Variants in CRMP1 observed in about 807,000 individuals in gnomAD.
CRMP1 encodes the protein dihydropyrimidinase-related protein 1.
Under a neutral mutation model 68.3 loss-of-function variants are expected in CRMP1, and 19 were observed. That is an observed-to-expected ratio of 0.28 (90% CI 0.19 to 0.41). CRMP1 has a LOEUF of 0.41. Among genes scored for constraint, CRMP1 ranks in the 10% least tolerant of loss-of-function variants. The pLI is 1.00. For missense variants in CRMP1, 791 were observed against 967.4 expected (o/e 0.82, Z 2.42); for synonymous variants, 439 against 399.6 (o/e 1.10, Z -1.18).
intron 6 of CRMP1, among the ~76,000 whole-genome samples, chr4:5,848,901 C>G (rs1184040612): frequency 6.6e-6 from 1 of 152,208 alleles, no homozygotes; most frequent in Non-Finnish European, 1.5e-5. Context: ...AATTACCTCC[C>G]TAAGGCCTCA....
In CRMP1 at chr4:5,883,207, G is replaced by A. The variant is rs1337548271; in HGVS notation, c.381+9382C>T. Among the ~76,000 whole-genome samples, 2 of 151,222 alleles carry A rather than the reference G, an allele frequency of 1.3e-5. No homozygotes were observed. The highest frequency in any genetic ancestry group is 2.9e-5 in the Non-Finnish European group (2 of 67,982). On this transcript the variant is annotated intron_variant, in intron 1 of 13. Transcript: ENST00000324989. This position sits in a 1 kb window ranked among gnomAD's most constrained non-coding sequence, Gnocchi z 4.5. Reference sequence around the variant, plus strand: ...TCTTCTCTGAATTCCTCTGACACCTGTGCCCTGTTCCGCAGCCTGCCTGCT... The same window carrying A: ...TCTTCTCTGAATTCCTCTGACACCTATGCCCTGTTCCGCAGCCTGCCTGCT...
In CRMP1 at chr4:5,892,772, G is replaced by T; in HGVS notation, c.198C>A (p.Ser66Arg). The change falls in exon 1 of 14, where the codon AGC (serine) becomes AGA (arginine). Residue 66 changes from serine (S) to arginine (R), a missense_variant. By Grantham distance (110) the Ser-to-Arg change is moderately radical. This residue lies in a region of CRMP1 where 193 missense variants were observed against 186.3 expected (regional missense o/e 1.04). Transcript: ENST00000324989. This position sits in a 1 kb window ranked among gnomAD's most constrained non-coding sequence, Gnocchi z 8.6. The stretch of plus-strand genomic sequence containing the variant: ...GCCCGACCGCGTCGGGCCGGCCAGC[G>T]CTGCGCGGCGTGCGCGCCGAGCCGC... ...GRRGSARTPR[S>R]AGRPDAVGLP... The T allele has an allele frequency of 7.8e-7, 1 of 1,283,918 alleles. No homozygotes were observed. The allele number at this position is 1,283,918 out of a possible 1,614,324, so 79.5% of individuals were successfully genotyped here.
At position 5,842,916 on chromosome 4, in the gene CRMP1, T is replaced by G. The variant is rs1202204255; in HGVS notation, c.1032+177A>C. On this transcript the variant is annotated intron_variant, in intron 7 of 13. Coordinates refer to ENST00000324989, the MANE Select transcript of CRMP1 (RefSeq NM_001014809.3). This position sits in a 1 kb window ranked among gnomAD's most constrained non-coding sequence, Gnocchi z 4.5. The stretch of plus-strand genomic sequence containing the variant: ...CCCTGGGAGAGGCAGCACCTCTTCC[T>G]GTCTTCTCCAGCCAGCAGTCCCCAG... Among the ~76,000 whole-genome samples the G allele has an allele frequency of 6.6e-6, 1 of 152,172 alleles. No individual in the cohort carries two copies. Among genetic ancestry groups the G allele is most frequent in the Non-Finnish European group, 1.5e-5 (1 of 68,032 alleles).
At position 5,860,490 on chromosome 4, in the gene CRMP1, A is replaced by G. The variant is rs1485640119; in HGVS notation, c.655+536T>C. Among the ~76,000 whole-genome samples the G allele has an allele frequency of 6.6e-6, 1 of 152,190 alleles. No homozygotes were observed. Among genetic ancestry groups the G allele is most frequent in the South Asian group, 2.1e-4 (1 of 4,830 alleles). ...GTGTTATCACAGTATTACTGCAGCA[A>G]TACTAATACAACCACTTCCCAGCTG... On this transcript the variant is annotated intron_variant, in intron 3 of 13. Transcript: ENST00000324989. The surrounding 1 kb of genome is among the most constrained non-coding windows in gnomAD (Gnocchi z 4.2).
In CRMP1 at chr4:5,879,735, A is replaced by G. The variant is rs928577998; in HGVS notation, c.381+12854T>C. Among the ~76,000 whole-genome samples the G allele has an allele frequency of 2.0e-5, 3 of 152,228 alleles. No individual in the cohort carries two copies. Among genetic ancestry groups the G allele is most frequent in the African/African-American group, 4.8e-5 (2 of 41,460 alleles). On this transcript the variant is annotated intron_variant, in intron 1 of 13. Transcript: ENST00000324989. The surrounding 1 kb of genome is among the most constrained non-coding windows in gnomAD (Gnocchi z 4.2). ...GCAGGAAAAAGCTTCAATTGCTTTTATCAGCTTCTCAGAGGAGTTGATGGC... is the reference window on the plus strand; with the variant it reads ...GCAGGAAAAAGCTTCAATTGCTTTTGTCAGCTTCTCAGAGGAGTTGATGGC...
At chr4:5,878,719 G>A (rs1009866263) in intron 1 of CRMP1, among the ~76,000 whole-genome samples, 1 of 152,084 alleles carries the variant, frequency 6.6e-6, no homozygotes, top group African/African-American at 2.4e-5. Context: ...TCACCTCTCT[G>A]TGCTTCTGTT....
Position 5,821,956 on chromosome 4 carries a change from C to A in CRMP1, c.1970-105G>T. 9.6e-7 allele frequency: 1 copy of A among 1,037,684 alleles called. No homozygotes were observed. Among genetic ancestry groups the A allele is most frequent in the Non-Finnish European group, 1.4e-6 (1 of 715,246 alleles). 64.3% of individuals were successfully genotyped at this position (1,037,684 alleles called of 1,614,324 possible). A position where few individuals can be genotyped will look rare whatever the true frequency, so the allele number is the denominator to read the frequency against. ...CCATGCACTCCACTGGACCCACCTT[C>A]ATTCAGGGCTCAGTCCAGGACCAGC... On this transcript the variant is annotated intron_variant, in intron 13 of 13. Transcript: ENST00000324989. This position sits in a 1 kb window ranked among gnomAD's most constrained non-coding sequence, Gnocchi z 4.4.
Position 5,892,472 on chromosome 4 carries a change from C to T in CRMP1, c.381+117G>A, listed in dbSNP as rs1159284893. On this transcript the variant is annotated intron_variant, in intron 1 of 13. Transcript: ENST00000324989. The surrounding 1 kb of genome is among the most constrained non-coding windows in gnomAD (Gnocchi z 8.6). The stretch of plus-strand genomic sequence containing the variant: ...GGAGGGGCCGCGCCGTGGCTCTCCC[C>T]AGCCTGGCGGCCGCTGCCCCAACAC... The T allele has an allele frequency of 5.7e-6, 6 of 1,048,758 alleles. No individual in the cohort carries two copies. In the East Asian group the frequency reaches 1.9e-4, roughly 33 times the overall value. 65.0% of individuals were successfully genotyped at this position (1,048,758 alleles called of 1,614,324 possible).
In CRMP1 at chr4:5,856,305, C is replaced by A; in HGVS notation, c.658G>T (p.Asp220Tyr). Reference sequence around the variant, plus strand: ...GACCCAGGTTCAGGAACAACATGGTCAACTGGGACAGAGAAATATGCATCA... The same window carrying A: ...GACCCAGGTTCAGGAACAACATGGTAAACTGGGACAGAGAAATATGCATCA... ...ALVGGTTMII[D>Y]HVVPEPGSSL... Residue 220 changes from aspartate to tyrosine, a missense_variant and splice_region_variant, in exon 4 of 14, where the codon GAC becomes TAC. By Grantham distance (160) the Asp-to-Tyr change is radical. This residue lies in a region of CRMP1 where 594 missense variants were observed against 763.6 expected (regional missense o/e 0.78). Coordinates refer to ENST00000324989, the MANE Select transcript of CRMP1 (RefSeq NM_001014809.3). 6.2e-7 allele frequency: 1 copy of A among 1,613,356 alleles called. No individual in the cohort carries two copies. The highest frequency in any genetic ancestry group is 1.1e-5 in the South Asian group (1 of 90,946).
chr4:5,844,536 A>G (rs1414687955), intron 6 of CRMP1, among the ~76,000 whole-genome samples: 1 of 152,256 alleles, frequency 6.6e-6, no homozygotes, highest in Non-Finnish European at 1.5e-5. Flanking sequence ...CTGCCTTCCA[A>G]AACACACAGA....
intron 13 of CRMP1, among the ~76,000 whole-genome samples, chr4:5,822,835 G>GT (rs1322458852): frequency 3.9e-5 from 6 of 152,134 alleles, no homozygotes; most frequent in African/African-American, 9.7e-5. Context: ...ACAGAAAAAC[G>GT]TAAGTAAGTT....
chr4:5,836,725 A>G (rs2152458317), intron 10 of CRMP1, 40 bp downstream of exon 10: 1 of 1,613,876 alleles, frequency 6.2e-7, no homozygotes, highest in Non-Finnish European at 8.5e-7. Context: ...GGGCAGGTAG[A>G]GTGTTTCTAG....
rs1010686516 is a variant in CRMP1, at chr4:5,890,482, G to C, written c.381+2107C>G. Reference sequence around the variant, plus strand: ...GCCCTGGAGCGGTGAGGCCCGCCCCGGAACCCGAGCCCACTGTAACCCAAG... The same window carrying C: ...GCCCTGGAGCGGTGAGGCCCGCCCCCGAACCCGAGCCCACTGTAACCCAAG... On this transcript the variant is annotated intron_variant, in intron 1 of 13. Coordinates refer to ENST00000324989, the MANE Select transcript of CRMP1 (RefSeq NM_001014809.3). This position sits in a 1 kb window ranked among gnomAD's most constrained non-coding sequence, Gnocchi z 5.5. 6.6e-6 allele frequency among the ~76,000 whole-genome samples: 1 copy of C among 152,216 alleles called. No individual in the cohort carries two copies. Among genetic ancestry groups the C allele is most frequent in the Non-Finnish European group, 1.5e-5 (1 of 68,034 alleles).
intron 11 of CRMP1, among the ~76,000 whole-genome samples, chr4:5,830,755 G>C (rs1280358743): frequency 6.6e-6 from 1 of 152,132 alleles, no homozygotes; most frequent in Non-Finnish European, 1.5e-5. Flanking sequence ...CCCGGGCCCA[G>C]TCTTCCCTTT....
At position 5,821,837 on chromosome 4, in the gene CRMP1, C is replaced by A. The variant is rs781419836; in HGVS notation, c.1984G>T (p.Asp662Tyr). Reference sequence around the variant, plus strand: ...TGGCCGGTGCGCCTGGGATTGTTGTCATCTATCTGGGCACCTGAAAGAGAG... The same window carrying A: ...TGGCCGGTGCGCCTGGGATTGTTGTAATCTATCTGGGCACCTGAAAGAGAG... ...NFSLSGAQID[D>Y]NNPRRTGHRI... The change falls in exon 14 of 14, where the codon GAC becomes TAC. Residue 662 changes from aspartate to tyrosine, a missense_variant. Around this residue, in one of 3 missense-constraint regions of CRMP1, gnomAD observed 594 missense variants for 763.6 expected, o/e 0.78. Transcript: ENST00000324989. The surrounding 1 kb of genome is among the most constrained non-coding windows in gnomAD (Gnocchi z 4.4). 2 of 1,589,412 alleles carry A rather than the reference C, an allele frequency of 1.3e-6. No individual in the cohort carries two copies.
chr4:5,833,067 T>C (rs1232964317), intron 11 of CRMP1, among the ~76,000 whole-genome samples: 1 of 151,658 alleles, frequency 6.6e-6, no homozygotes, highest in Non-Finnish European at 1.5e-5. Context: ...CGTCAGACGC[T>C]AGAAGAGTGG....
chr4:5,825,303 C>G lies in CRMP1; in HGVS notation c.1969+191G>C. Reference sequence around the variant, plus strand: ...ACCATGTTGCCCCCCTAACATGGACCCCCCTCTGCTTGGTGACCATGCCAG... The same window carrying G: ...ACCATGTTGCCCCCCTAACATGGACGCCCCTCTGCTTGGTGACCATGCCAG... On this transcript the variant is annotated intron_variant, in intron 13 of 13. Transcript: ENST00000324989. The surrounding 1 kb of genome is among the most constrained non-coding windows in gnomAD (Gnocchi z 4.4). 2.0e-6 allele frequency: 2 copies of G among 985,158 alleles called. No individual in the cohort carries two copies. Among genetic ancestry groups the G allele is most frequent in the Non-Finnish European group, 2.4e-6 (2 of 829,878 alleles). The allele number at this position is 985,158 out of a possible 1,614,324, so 61.0% of individuals were successfully genotyped here. A position where few individuals can be genotyped will look rare whatever the true frequency, so the allele number is the denominator to read the frequency against.
intron 1 of CRMP1, among the ~76,000 whole-genome samples, chr4:5,875,880 C>T (rs1490266212): frequency 2.0e-5 from 3 of 152,164 alleles, no homozygotes; most frequent in Non-Finnish European, 4.4e-5. Context: ...CAGCCAGGCG[C>T]GGTGGCTCAC....
In CRMP1 at chr4:5,865,986, G is replaced by C. The variant is rs549030713; in HGVS notation, c.470+682C>G. Among the ~76,000 whole-genome samples the C allele has an allele frequency of 9.2e-5, 14 of 152,260 alleles. No homozygotes were observed. Among genetic ancestry groups the C allele is most frequent in the Non-Finnish European group, 1.6e-4 (11 of 68,020 alleles). On this transcript the variant is annotated intron_variant, in intron 2 of 13. Coordinates refer to ENST00000324989, the MANE Select transcript of CRMP1 (RefSeq NM_001014809.3). This position sits in a 1 kb window ranked among gnomAD's most constrained non-coding sequence, Gnocchi z 4.1. ...GGCCTCAGGAAGAACCAACCCTGAC[G>C]GCAGCTTGATCCGGGACTTCCAGCC...
Sources: allele counts gnomAD v4.1 joint callset (sites outside exome capture counted in the v4.1 genomes callset), GRCh38; gene constraint gnomAD v4.1.1; regional missense constraint gnomAD v4.1.1; non-coding constraint Gnocchi (gnomAD v3.1); transcripts MANE v1.5; gene names NCBI Gene and HGNC (gene_info 2026-07-23, HGNC 2026-07-21).